Variants in ERCC1 observed in about 807,000 individuals in gnomAD.
The protein encoded by ERCC1 is DNA excision repair protein ERCC-1.
ERCC1 carries 36 observed loss-of-function variants against 37.6 expected under a neutral mutation model. The ratio of observed to expected loss-of-function variants is 0.96; its 90% CI spans 0.73 to 1.26. ERCC1 has a LOEUF of 1.26. ERCC1 is among the 50% of genes most tolerant of loss of function. The pLI, the probability that ERCC1 is intolerant of heterozygous loss-of-function variation, is 0.00. For missense variants in ERCC1, 349 were observed against 376.5 expected, an observed-to-expected ratio of 0.93 and a Z score of 0.60; for synonymous variants, 156 against 162.1, an observed-to-expected ratio of 0.96 and a Z score of 0.28.
At chr19:45,437,820 T>G (rs959148069) in intron 1 of ERCC1, among the ~76,000 whole-genome samples, 1 of 152,212 alleles carries the variant, frequency 6.6e-6, no homozygotes, top group African/African-American at 2.4e-5. Flanking sequence ...TACTAATGTA[T>G]TGTGTATTTC....
At chr19:45,443,089 G>C (rs1334597482) in intron 1 of ERCC1, among the ~76,000 whole-genome samples, 4 of 152,166 alleles carry the variant, frequency 2.6e-5, no homozygotes, top group Non-Finnish European at 5.9e-5. Flanking sequence ...ACACAGACCA[G>C]GGACTCAGGA....
At chr19:45,419,874 C>G (rs1474594372) in intron 4 of ERCC1, among the ~76,000 whole-genome samples, 2 of 151,200 alleles carry the variant, frequency 1.3e-5, no homozygotes, top group African/African-American at 2.4e-5. Context: ...GGAATCTGGC[C>G]CCAGCCCCTC....
At chr19:45,447,354 C>A (rs1214657188) in intron 1 of ERCC1, among the ~76,000 whole-genome samples, 2 of 147,522 alleles carry the variant, frequency 1.4e-5, no homozygotes, top group East Asian at 4.1e-4. Flanking sequence ...AGGCTCACTG[C>A]AACGTCTCCC....
At chr19:45,425,644 A>G (rs1162959764), upstream of ERCC1, among the ~76,000 whole-genome samples, 1 of 152,106 alleles carries the variant, frequency 6.6e-6, no homozygotes, top group Non-Finnish European at 1.5e-5. Context: ...TGCTGGGATT[A>G]CAAGCATGAG....
chr19:45,448,708 T>TA (rs913701554), intron 1 of ERCC1, among the ~76,000 whole-genome samples: 6 of 151,684 alleles, frequency 4.0e-5, no homozygotes, highest in South Asian at 2.1e-4. Flanking sequence ...TTTATTAATT[T>TA]AAAAAAAATG....
intron 6 of ERCC1, 27 bp from the exon 7 acceptor site, chr19:45,414,987 G>T: frequency 2.0e-6 from 3 of 1,519,076 alleles, no homozygotes; most frequent in East Asian, 2.3e-5. Flanking sequence ...CAGGGCAGCC[G>T]GGAGGTGAGG....
chr19:45,425,092 T>C (rs542424309), upstream of ERCC1, among the ~76,000 whole-genome samples: 7 of 81,428 alleles, frequency 8.6e-5, no homozygotes, highest in South Asian at 2.4e-3. Context: ...ATTTTTTTTT[T>C]TTTTTTTTTT....
At chr19:45,447,457 T>C (rs895775128) in intron 1 of ERCC1, among the ~76,000 whole-genome samples, 5 of 151,926 alleles carry the variant, frequency 3.3e-5, no homozygotes, top group Non-Finnish European at 7.4e-5. Context: ...GTATTTTTAG[T>C]AGAGACAGGG....
intron 1 of ERCC1, among the ~76,000 whole-genome samples, chr19:45,450,287 ACT>A (rs1222371710): frequency 1.3e-5 from 2 of 151,784 alleles, no homozygotes; most frequent in African/African-American, 4.8e-5. Context: ...ATCTCCAAAC[ACT>A]CTAGTTGAAA....
Position 45,423,837 on chromosome 19 carries a change from G to A in ERCC1, c.-64C>T, listed in dbSNP as rs1974592346. The A allele has an allele frequency of 9.7e-6, 11 of 1,137,520 alleles. No homozygotes were observed. Among genetic ancestry groups the A allele is most frequent in the East Asian group, 8.4e-5 (2 of 23,728 alleles). 70.5% of individuals were successfully genotyped at this position (1,137,520 alleles called of 1,614,324 possible). ...CGAGGCCTCACCTGCTGGTCTTGGA[G>A]CCTCAAGGGAAAGACTGCAGAGGGA... is the stretch of plus-strand genomic sequence containing the variant. On this transcript the variant is annotated 5_prime_UTR_variant, in exon 1 of 10. Coordinates refer to ENST00000300853, the MANE Select transcript of ERCC1 (RefSeq NM_001983.4).
intron 9 of ERCC1, 174 bp downstream of exon 9, chr19:45,413,503 T>C (rs767801689): frequency 1.4e-6 from 2 of 1,418,052 alleles, no homozygotes; most frequent in South Asian, 2.3e-5. Flanking sequence ...CTCCAACTTC[T>C]GGCCTCAAGC....
intron 1 of ERCC1, among the ~76,000 whole-genome samples, chr19:45,443,766 AC>A: frequency 1.3e-5 from 2 of 150,978 alleles, no homozygotes; most frequent in East Asian, 3.9e-4. Context: ...CTTCTGATTC[AC>A]CCTTGTTTCC....
intron 1 of ERCC1, among the ~76,000 whole-genome samples, chr19:45,438,930 C>T (rs1028657029): frequency 1.3e-5 from 2 of 152,182 alleles, no homozygotes; most frequent in East Asian, 1.9e-4. Context: ...TGTGAACCAC[C>T]GCGCCCGGCC....
intron 1 of ERCC1, among the ~76,000 whole-genome samples, chr19:45,433,961 C>T (rs936577189): frequency 4.0e-5 from 6 of 151,252 alleles, no homozygotes; most frequent in Non-Finnish European, 7.4e-5. Flanking sequence ...GGTGAAACCC[C>T]GTCTCTACTA....
chr19:45,409,113 C>T lies in ERCC1; in HGVS notation c.*562G>A, dbSNP rs1238517049. The T allele has an allele frequency of 6.2e-7, 1 of 1,612,968 alleles. No individual in the cohort carries two copies. Among genetic ancestry groups the T allele is most frequent in the African/African-American group, 1.3e-5 (1 of 74,862 alleles). On this transcript the variant is annotated 3_prime_UTR_variant, in exon 10 of 10. Transcript: ENST00000300853. ...CCTCAGGCCCAGGCAGCTCTGGCAG[C>T]TCCCAAAAAGAAGACGAAGAAAGAA... is the stretch of plus-strand genomic sequence containing the variant.
rs200156853 is a variant in ERCC1 at position 45,414,813 on chromosome 19, G to A, written c.702+48C>T. On this transcript the variant is annotated intron_variant, in intron 7 of 9. Coordinates refer to ENST00000300853, the MANE Select transcript of ERCC1 (RefSeq NM_001983.4). ...ATTGGAACTGAAGCTCAACCACCCA[G>A]GAGCTGCGGGGAGGCCCAGGCAGGG... The A allele has an allele frequency of 5.1e-4, 686 of 1,340,044 alleles. 1 individual carries two copies. The highest frequency in any genetic ancestry group is 7.1e-4 in the Non-Finnish European group (658 of 931,230). The allele number at this position is 1,340,044 out of a possible 1,614,324, so 83.0% of individuals were successfully genotyped here.
Position 45,408,203 on chromosome 19 carries a change from C to T in ERCC1, c.*1472G>A, listed in dbSNP as rs143485921. On this transcript the variant is annotated 3_prime_UTR_variant, in exon 10 of 10. Coordinates refer to ENST00000300853, the MANE Select transcript of ERCC1 (RefSeq NM_001983.4). Reference sequence around the variant, plus strand: ...GGGCAAATTGGCAGGCAAGCGGCACCGCTATCGAGTCCTCAGCAGCTGTCC... The same window carrying T: ...GGGCAAATTGGCAGGCAAGCGGCACTGCTATCGAGTCCTCAGCAGCTGTCC... The T allele has an allele frequency of 9.9e-6, 16 of 1,613,730 alleles. No individual in the cohort carries two copies. Among genetic ancestry groups the T allele is most frequent in the African/African-American group, 4.0e-5 (3 of 74,938 alleles).
intron 1 of ERCC1, among the ~76,000 whole-genome samples, chr19:45,450,892 C>A (rs1339468631): frequency 5.3e-5 from 1 of 19,026 alleles, no homozygotes; most frequent in African/African-American, 4.5e-4. Flanking sequence ...CGCCCGCCCC[C>A]CCCCCCCCCC....
chr19:45,413,538 A>G, intron 9 of ERCC1, 139 bp downstream of exon 9: 1 of 1,603,558 alleles, frequency 6.2e-7, no homozygotes, highest in Non-Finnish European at 8.5e-7. Flanking sequence ...GGCCTCCCAA[A>G]ATGTTGGGAT....
Sources: gnomAD v4.1 joint callset for allele counts (sites outside exome capture counted in the v4.1 genomes callset) on GRCh38, gnomAD v4.1.1 for gene constraint, MANE v1.5 for transcripts, NCBI Gene and HGNC (gene_info 2026-07-23, HGNC 2026-07-21) for gene names.